The following FAM227B variants were observed in gnomAD, a reference collection of about 807,000 sequenced individuals.
FAM227B encodes the protein protein FAM227B.
A neutral mutation model predicts 73.8 loss-of-function variants in FAM227B; 88 were observed. The ratio of observed to expected loss-of-function variants is 1.19; its 90% CI spans 1.00 to 1.42. FAM227B has a LOEUF of 1.42. Ranked by LOEUF, FAM227B falls within the 40% of genes most tolerant of loss-of-function variation. The probability of loss-of-function intolerance (pLI) is 0.00; values close to 1 mark genes in which losing one functional copy is unlikely to be tolerated. For missense variants in FAM227B, 632 were observed against 590.9 expected, an observed-to-expected ratio of 1.07 and a Z score of -0.72; for synonymous variants, 210 against 190.5, an observed-to-expected ratio of 1.10 and a Z score of -0.84.
chr15:49,572,603 G>C (rs1343375940), intron 8 of FAM227B, among the ~76,000 whole-genome samples: 1 of 152,062 alleles, frequency 6.6e-6, no homozygotes, highest in Non-Finnish European at 1.5e-5. Flanking sequence ...TCATTAAGCT[G>C]ATCATTTTCA....
At chr15:49,432,869 T>A (rs749878731) in intron 11 of FAM227B, among the ~76,000 whole-genome samples, 1 of 151,644 alleles carries the variant, frequency 6.6e-6, no homozygotes, top group Non-Finnish European at 1.5e-5. Flanking sequence ...CAAGAAATGA[T>A]GCCCAACAGC....
chr15:49,528,808 T>G (rs187796585), intron 10 of FAM227B, among the ~76,000 whole-genome samples: 1 of 151,796 alleles, frequency 6.6e-6, no homozygotes, highest in Non-Finnish European at 1.5e-5. Context: ...ATGGCTATTA[T>G]CAAAAAGTCA....
At chr15:49,557,255 CTTA>C (rs747982262) in intron 9 of FAM227B, among the ~76,000 whole-genome samples, 13 of 150,986 alleles carry the variant, frequency 8.6e-5, no homozygotes, top group Admixed American at 6.6e-5. Context: ...CTTTTTTTTT[CTTA>C]TAACTTGCTT....
At chr15:49,491,565 T>C (rs370901521) in intron 11 of FAM227B, among the ~76,000 whole-genome samples, 4 of 151,860 alleles carry the variant, frequency 2.6e-5, no homozygotes, top group Admixed American at 2.0e-4. Flanking sequence ...TACTTCCTAC[T>C]GTCAATCAAT....
chr15:49,596,007 T>C (rs770112513), intron 3 of FAM227B, among the ~76,000 whole-genome samples: 9 of 151,948 alleles, frequency 5.9e-5, no homozygotes, highest in South Asian at 2.1e-4. Context: ...CTGGTATTCC[T>C]GAGGAGGAAA....
chr15:49,615,795 G>A (rs151064022), intron 1 of FAM227B, among the ~76,000 whole-genome samples: 1,765 of 152,272 alleles, frequency 0.012, 16 homozygotes, highest in Middle Eastern at 0.037. Context: ...GTTCTACTAC[G>A]TCACATGACA....
chr15:49,329,583 C>CTAT (rs1431874623), intron 15 of FAM227B: 1 of 984,038 alleles, frequency 1.0e-6, no homozygotes, highest in Non-Finnish European at 1.2e-6. Context: ...AGCCAATATT[C>CTAT]TATTTAAAAA....
chr15:49,494,624 G>A (rs1420597487), intron 11 of FAM227B, among the ~76,000 whole-genome samples: 1 of 152,004 alleles, frequency 6.6e-6, no homozygotes, highest in Non-Finnish European at 1.5e-5. Flanking sequence ...GTCTAGAGGT[G>A]TATGGTAGGT....
chr15:49,566,337 A>G (rs7167429), intron 9 of FAM227B, among the ~76,000 whole-genome samples: 40,459 of 152,136 alleles, frequency 0.27, 5,636 homozygotes, highest in East Asian at 0.38. Flanking sequence ...GTTAAAATTA[A>G]AATGTTGAAC....
chr15:49,360,735 C>A (rs1169417728), intron 13 of FAM227B, among the ~76,000 whole-genome samples: 1 of 152,078 alleles, frequency 6.6e-6, no homozygotes, highest in East Asian at 1.9e-4. Context: ...TAATAAAACT[C>A]CAAAGATCAT....
intron 3 of FAM227B, among the ~76,000 whole-genome samples, chr15:49,599,094 T>G (rs2077044333): frequency 6.6e-6 from 1 of 152,014 alleles, no homozygotes; most frequent in African/African-American, 2.4e-5. Context: ...TATTGGGAGG[T>G]TTTCAATTAC....
intron 3 of FAM227B, among the ~76,000 whole-genome samples, chr15:49,596,207 T>C (rs1462437330): frequency 2.0e-5 from 3 of 152,106 alleles, no homozygotes; most frequent in African/African-American, 7.2e-5. Context: ...TTAAGAGCTA[T>C]GAGGCAAAAG....
intron 11 of FAM227B, chr15:49,486,186 A>G (rs1045301012): frequency 6.6e-6 from 1 of 152,084 alleles, no homozygotes; most frequent in African/African-American, 2.4e-5. Context: ...AGTATTTGGT[A>G]ATACATTTAT....
chr15:49,393,307 C>T (rs972711699), intron 11 of FAM227B, among the ~76,000 whole-genome samples: 4 of 152,010 alleles, frequency 2.6e-5, no homozygotes, highest in Admixed American at 6.6e-5. Flanking sequence ...ATATCATTTC[C>T]TCTTTGTTTG....
chr15:49,475,273 T>C (rs1814711), intron 11 of FAM227B, among the ~76,000 whole-genome samples: 105,979 of 152,050 alleles, frequency 0.7, 37,203 homozygotes, highest in East Asian at 0.92. Flanking sequence ...TATTCATGAG[T>C]TTGAAGAGAG....
chr15:49,334,958 A>G (rs952275563), intron 14 of FAM227B, among the ~76,000 whole-genome samples: 1 of 152,220 alleles, frequency 6.6e-6, no homozygotes, highest in Non-Finnish European at 1.5e-5. Context: ...TATTTTATAA[A>G]TTATTATGAA....
intron 10 of FAM227B, among the ~76,000 whole-genome samples, chr15:49,512,577 T>C (rs983417120): frequency 2.0e-5 from 3 of 152,132 alleles, no homozygotes; most frequent in Non-Finnish European, 4.4e-5. Context: ...ATTTATTTTT[T>C]TAATTATTTA....
At chr15:49,577,327 C>T (rs2152379102) in intron 6 of FAM227B, 1 of 339,180 alleles carries the variant, frequency 2.9e-6, no homozygotes, top group South Asian at 3.5e-5. Context: ...GAAAAACCTT[C>T]ATATTTTCTG....
At chr15:49,347,847 C>T (rs553222957) in intron 13 of FAM227B, among the ~76,000 whole-genome samples, 4 of 151,886 alleles carry the variant, frequency 2.6e-5, no homozygotes, top group East Asian at 1.9e-4. Flanking sequence ...GGTGAAACCC[C>T]GTCTCTACTA....
Sources: gnomAD v4.1 joint callset for allele counts (sites outside exome capture counted in the v4.1 genomes callset) on GRCh38, gnomAD v4.1.1 for gene constraint, MANE v1.5 for transcripts, NCBI Gene and HGNC (gene_info 2026-07-23, HGNC 2026-07-21) for gene names.